The following RSPH14 variants were observed in gnomAD, a reference collection of about 807,000 sequenced individuals.
RSPH14 encodes the protein rhabdoid tumor deletion region gene 1.
A neutral mutation model predicts 26.7 loss-of-function variants in RSPH14; 20 were observed. The observed-to-expected ratio is 0.75, with a 90% confidence interval of 0.53 to 1.09. RSPH14 has a LOEUF of 1.09. Among genes scored for constraint, RSPH14 ranks in the 50% least tolerant of loss-of-function variants. The pLI is 0.00. For synonymous variants in RSPH14, 177 were observed against 189.3 expected (o/e 0.93, Z 0.53); for missense variants, 449 against 457.2 (o/e 0.98, Z 0.16).
intron 4 of RSPH14, among the ~76,000 whole-genome samples, chr22:23,099,577 A>G (rs2069234208): frequency 6.6e-6 from 1 of 152,248 alleles, no homozygotes; most frequent in Non-Finnish European, 1.5e-5. Context: ...ACTGAGGCTC[A>G]GGCACACAGC....
chr22:23,107,799 G>T (rs1222308463), intron 4 of RSPH14, among the ~76,000 whole-genome samples: 1 of 152,186 alleles, frequency 6.6e-6, no homozygotes, highest in Non-Finnish European at 1.5e-5. Context: ...GTTCCTGATC[G>T]TTTTAAAGCC....
intron 4 of RSPH14, among the ~76,000 whole-genome samples, chr22:23,078,075 G>C (rs2068554888): frequency 1.3e-5 from 2 of 152,234 alleles, no homozygotes; most frequent in Admixed American, 1.3e-4. Flanking sequence ...TGGCCCTGTA[G>C]AGTGGCTACC....
At chr22:23,118,226 G>T (rs867475624) in intron 4 of RSPH14, among the ~76,000 whole-genome samples, 3 of 152,320 alleles carry the variant, frequency 2.0e-5, no homozygotes, top group South Asian at 2.1e-4. Flanking sequence ...GTGGCTGAAG[G>T]CCTGGTTACA....
intron 4 of RSPH14, among the ~76,000 whole-genome samples, chr22:23,116,338 C>T (rs1025625324): frequency 1.3e-5 from 2 of 152,228 alleles, no homozygotes; most frequent in African/African-American, 4.8e-5. Flanking sequence ...CTGGCCTGTC[C>T]GCCTGAGGGG....
At chr22:23,087,531 C>T (rs907365819) in intron 4 of RSPH14, among the ~76,000 whole-genome samples, 9 of 152,152 alleles carry the variant, frequency 5.9e-5, no homozygotes, top group Non-Finnish European at 1.2e-4. Context: ...TTCTTCAAGA[C>T]GAGAATTGCA....
intron 4 of RSPH14, among the ~76,000 whole-genome samples, chr22:23,093,083 G>A (rs889500267): frequency 1.3e-5 from 2 of 152,218 alleles, no homozygotes; most frequent in African/African-American, 2.4e-5. Flanking sequence ...TCCTCCATGC[G>A]CTCATGGTTC....
At chr22:23,146,631 G>A (rs773453026), upstream of RSPH14, 2 of 1,614,088 alleles carry the variant, frequency 1.2e-6, no homozygotes, top group South Asian at 1.1e-5. Context: ...GGTCCTCCCT[G>A]ACACCTTTGG....
chr22:23,150,131 A>G, the RSPH14 span: 2 of 1,612,326 alleles, frequency 1.2e-6, no homozygotes, highest in Admixed American at 1.7e-5. Flanking sequence ...CTGCCTGCCA[A>G]CGCAGGAACA....
chr22:23,070,065 C>T (rs895246934), intron 4 of RSPH14, among the ~76,000 whole-genome samples: 3 of 152,174 alleles, frequency 2.0e-5, no homozygotes, highest in Admixed American at 1.3e-4. Flanking sequence ...GGCCTCAGCG[C>T]AGCGGAGTCG....
chr22:23,129,943 AAAG>A (rs1042227111), intron 4 of RSPH14, among the ~76,000 whole-genome samples: 9 of 150,806 alleles, frequency 6.0e-5, no homozygotes, highest in African/African-American at 2.0e-4. Flanking sequence ...GGAAGGAAGG[AAAG>A]AAGGAGAAAG....
At chr22:23,082,844 G>C (rs1187953180) in intron 4 of RSPH14, among the ~76,000 whole-genome samples, 2 of 152,198 alleles carry the variant, frequency 1.3e-5, no homozygotes, top group East Asian at 3.9e-4. Flanking sequence ...TGGTTTCACA[G>C]AGCTGAGGCT....
Position 23,084,343 on chromosome 22 carries a change from C to T in RSPH14, c.422-20210G>A, listed in dbSNP as rs546411105. Among the ~76,000 whole-genome samples, 5 of 152,300 alleles carry T rather than the reference C, an allele frequency of 3.3e-5. No individual in the cohort carries two copies. The South Asian group carries it at 8.3e-4, about 25-fold the overall frequency. The stretch of plus-strand genomic sequence containing the variant: ...GGTATTCAGTAAATTCCACAAGATA[C>T]GGGTTAGATTCTTTTGTCTACCTGC... On this transcript the variant is annotated intron_variant, in intron 4 of 6. Coordinates refer to ENST00000216036, the MANE Select transcript of RSPH14 (RefSeq NM_014433.3).
At chr22:23,144,105 A>AC (rs1326519264), upstream of RSPH14, among the ~76,000 whole-genome samples, 680 of 150,238 alleles carry the variant, frequency 4.5e-3, 7 homozygotes, top group African/African-American at 0.015. Context: ...AAAAAAAAAA[A>AC]AAAAAAAAAA....
the RSPH14 span, among the ~76,000 whole-genome samples, chr22:23,153,758 G>A: frequency 2.0e-5 from 3 of 147,702 alleles, no homozygotes; most frequent in Admixed American, 1.4e-4. Context: ...GTGCAGTGGC[G>A]CAATCTCAGC....
intron 4 of RSPH14, chr22:23,131,733 G>A: frequency 3.5e-6 from 3 of 853,266 alleles, no homozygotes; most frequent in Middle Eastern, 2.6e-4. Context: ...GTCCCCCATG[G>A]ATCACCCTAA....
the RSPH14 span, among the ~76,000 whole-genome samples, chr22:23,177,302 C>T: frequency 6.6e-6 from 1 of 152,246 alleles, no homozygotes; most frequent in African/African-American, 2.4e-5. Flanking sequence ...TTTGCTATAG[C>T]CGGGCTGTGA....
At chr22:23,141,204 C>T (rs1253264014) in intron 1 of RSPH14, among the ~76,000 whole-genome samples, 3 of 152,044 alleles carry the variant, frequency 2.0e-5, no homozygotes, top group African/African-American at 7.3e-5. Flanking sequence ...TGGCGCATGC[C>T]TGTAGTCCCA....
chr22:23,149,814 G>GC (rs772685007), upstream of RSPH14, among the ~76,000 whole-genome samples: 7 of 152,368 alleles, frequency 4.6e-5, no homozygotes, highest in Non-Finnish European at 1.0e-4. Context: ...GGGAACTGCG[G>GC]CCCCAGGTGA....
At chr22:23,085,790 G>A (rs2068801628) in intron 4 of RSPH14, among the ~76,000 whole-genome samples, 1 of 152,230 alleles carries the variant, frequency 6.6e-6, no homozygotes, top group South Asian at 2.1e-4. Context: ...CAGAGCAGGG[G>A]GCTGCAACAC....
Sources: gnomAD v4.1 joint callset for allele counts (sites outside exome capture counted in the v4.1 genomes callset) on GRCh38, gnomAD v4.1.1 for gene constraint, MANE v1.5 for transcripts, NCBI Gene and HGNC (gene_info 2026-07-23, HGNC 2026-07-21) for gene names.